The following PPP1R1C variants were observed in gnomAD, a reference collection of about 807,000 sequenced individuals.
The protein encoded by PPP1R1C is protein phosphatase 1 regulatory inhibitor subunit 1C.
In PPP1R1C, 15 loss-of-function variants were observed where a neutral mutation model predicts 17.4. That is an observed-to-expected ratio of 0.86 (90% CI 0.58 to 1.33). PPP1R1C has a LOEUF of 1.33. Ranked by LOEUF, PPP1R1C falls within the 40% of genes most tolerant of loss-of-function variation. The pLI is 0.00. For missense variants in PPP1R1C, 143 were observed against 130.0 expected (o/e 1.10, Z -0.48); for synonymous variants, 35 against 43.1 (o/e 0.81, Z 0.73).
At chr2:182,043,899 G>C (rs1416760869) in intron 2 of PPP1R1C, among the ~76,000 whole-genome samples, 2 of 152,090 alleles carry the variant, frequency 1.3e-5, no homozygotes, top group Non-Finnish European at 2.9e-5. Context: ...TCACTACTGA[G>C]AGTGACTATA....
chr2:182,005,223 TTAAAG>T (rs1317003074), intron 2 of PPP1R1C, among the ~76,000 whole-genome samples: 2 of 152,196 alleles, frequency 1.3e-5, no homozygotes, highest in Admixed American at 6.5e-5. Flanking sequence ...CTCTTAATCA[TTAAAG>T]TAAATTCAAT....
intron 5 of PPP1R1C, among the ~76,000 whole-genome samples, chr2:182,128,659 T>C (rs563972792): frequency 2.0e-5 from 3 of 152,262 alleles, no homozygotes; most frequent in Non-Finnish European, 4.4e-5. Flanking sequence ...TATATATGCA[T>C]GTATGTATGT....
intron 2 of PPP1R1C, among the ~76,000 whole-genome samples, chr2:182,059,410 G>A (rs1687783184): frequency 6.6e-6 from 1 of 151,722 alleles, no homozygotes; most frequent in East Asian, 1.9e-4. Flanking sequence ...TGAAGACAGG[G>A]GTATATTCTT....
chr2:182,049,537 C>T (rs1039791098), intron 2 of PPP1R1C, among the ~76,000 whole-genome samples: 13 of 151,916 alleles, frequency 8.6e-5, no homozygotes, highest in Non-Finnish European at 1.8e-4. Flanking sequence ...CCCTTGGCTG[C>T]AAACTGGGAT....
At chr2:181,998,325 A>G (rs1484473696) in intron 2 of PPP1R1C, among the ~76,000 whole-genome samples, 1 of 152,224 alleles carries the variant, frequency 6.6e-6, no homozygotes, top group African/African-American at 2.4e-5. Context: ...GGCAGACATA[A>G]TTATATGATA....
At chr2:182,035,507 G>A (rs1271024762) in intron 2 of PPP1R1C, among the ~76,000 whole-genome samples, 1 of 152,122 alleles carries the variant, frequency 6.6e-6, no homozygotes, top group East Asian at 1.9e-4. Context: ...CTCATGTTAA[G>A]TTGTGATCCA....
intron 2 of PPP1R1C, among the ~76,000 whole-genome samples, chr2:182,011,390 A>G (rs1686085461): frequency 1.3e-5 from 2 of 151,994 alleles, no homozygotes; most frequent in African/African-American, 2.4e-5. Context: ...AAGGTTTTCA[A>G]ATTTATTGAC....
At chr2:182,021,860 C>T (rs1033351583) in intron 2 of PPP1R1C, among the ~76,000 whole-genome samples, 5 of 152,114 alleles carry the variant, frequency 3.3e-5, no homozygotes, top group East Asian at 1.9e-4. Context: ...AAGAAATGAA[C>T]GAACACTTTA....
In PPP1R1C at chr2:181,976,045, A is replaced by T. The variant is rs140192564; in HGVS notation, n.157+781A>T. ...ATTATCTTTGTTATTCTGGCTCTTA[A>T]TTTTTTATTAAAAAATTCAAATGTG... On this transcript the variant is annotated intron_variant and non_coding_transcript_variant, in intron 2 of 5. Transcript: ENST00000464264. This position sits in a 1 kb window ranked among gnomAD's most constrained non-coding sequence, Gnocchi z 4.8. Among the ~76,000 whole-genome samples the T allele has an allele frequency of 4.6e-5, 7 of 152,220 alleles. No homozygotes were observed. The highest frequency in any genetic ancestry group is 1.7e-4 in the African/African-American group (7 of 41,578).
At chr2:181,995,734 A>C (rs991318567) in intron 2 of PPP1R1C, among the ~76,000 whole-genome samples, 12 of 151,208 alleles carry the variant, frequency 7.9e-5, no homozygotes, top group African/African-American at 2.9e-4. Flanking sequence ...GAAAAAGATT[A>C]CTTCTAAATT....
At chr2:182,095,834 G>T (rs770920000) in intron 4 of PPP1R1C, among the ~76,000 whole-genome samples, 6 of 152,078 alleles carry the variant, frequency 3.9e-5, no homozygotes, top group South Asian at 2.1e-4. Context: ...TCTTAGTTGG[G>T]CATGGTGGCC....
chr2:182,049,019 AC>A (rs1263354973), intron 2 of PPP1R1C: 1 of 152,198 alleles, frequency 6.6e-6, no homozygotes, highest in Non-Finnish European at 1.5e-5. Flanking sequence ...CAAAGATAGC[AC>A]CGATGTCCTT....
At chr2:182,039,520 G>C (rs1197981580) in intron 2 of PPP1R1C, among the ~76,000 whole-genome samples, 1 of 152,242 alleles carries the variant, frequency 6.6e-6, no homozygotes, top group Admixed American at 6.5e-5. Context: ...AAGTAGCTGG[G>C]ACTCTAGGCG....
intron 5 of PPP1R1C, among the ~76,000 whole-genome samples, chr2:182,122,946 G>A (rs1027863641): frequency 2.0e-5 from 3 of 152,108 alleles, no homozygotes; most frequent in African/African-American, 7.2e-5. Flanking sequence ...ATGGTGGTTT[G>A]CTGCACCCAT....
intron 2 of PPP1R1C, among the ~76,000 whole-genome samples, chr2:182,056,038 T>C (rs1460271342): frequency 6.6e-6 from 1 of 152,174 alleles, no homozygotes; most frequent in East Asian, 1.9e-4. Context: ...GAGATCCTAA[T>C]TGGGACATCA....
rs1343536379 is a variant in PPP1R1C, at chr2:182,084,809, G to A, written c.241+21018G>A. Reference sequence around the variant, plus strand: ...TGTGAAAAAATGATGTTGATGTTTTGATAGGAATTGCATTGAGTCTATAGA... The same window carrying A: ...TGTGAAAAAATGATGTTGATGTTTTAATAGGAATTGCATTGAGTCTATAGA... On this transcript the variant is annotated intron_variant, in intron 4 of 4. Transcript: ENST00000682840. Among the ~76,000 whole-genome samples the A allele has an allele frequency of 2.0e-5, 3 of 152,050 alleles. No homozygotes were observed. The South Asian group carries it at 6.2e-4, about 32-fold the overall frequency.
At chr2:181,974,104 T>TA (rs1454218773) in intron 1 of PPP1R1C, among the ~76,000 whole-genome samples, 1 of 152,090 alleles carries the variant, frequency 6.6e-6, no homozygotes, top group African/African-American at 2.4e-5. Flanking sequence ...GGAGTATTTA[T>TA]AAGGCTTTAT....
At chr2:181,981,872 C>T (rs1313928661), upstream of PPP1R1C, among the ~76,000 whole-genome samples, 2 of 152,144 alleles carry the variant, frequency 1.3e-5, no homozygotes, top group Non-Finnish European at 2.9e-5. Flanking sequence ...GAAATCTTTT[C>T]AATGGACTCA....
At chr2:181,981,949 A>T (rs149674133), upstream of PPP1R1C, among the ~76,000 whole-genome samples, 38 of 152,320 alleles carry the variant, frequency 2.5e-4, no homozygotes, top group African/African-American at 8.9e-4. Flanking sequence ...TAATGTAGTC[A>T]TGTGTAATAC....
Sources: gnomAD v4.1 joint callset for allele counts (sites outside exome capture counted in the v4.1 genomes callset) on GRCh38, gnomAD v4.1.1 for gene constraint, Gnocchi (gnomAD v3.1) non-coding constraint, MANE v1.5 for transcripts, NCBI Gene and HGNC (gene_info 2026-07-23, HGNC 2026-07-21) for gene names.